The following HIBCH variants were observed in gnomAD, a reference collection of about 807,000 sequenced individuals.
The protein encoded by HIBCH is 3-hydroxyisobutyryl-CoA hydrolase, also known as 3-hydroxyisobutyryl-CoA hydrolase, mitochondrial.
HIBCH carries 50 observed loss-of-function variants against 58.2 expected under a neutral mutation model. The ratio of observed to expected loss-of-function variants is 0.86; its 90% confidence interval spans 0.68 to 1.09. HIBCH has a LOEUF of 1.09. Ranked by LOEUF, HIBCH falls within the 50% of genes least tolerant of loss-of-function variation. The probability of loss-of-function intolerance (pLI) is 0.00; values close to 1 mark genes in which losing one functional copy is unlikely to be tolerated. For synonymous variants in HIBCH, 151 were observed against 146.9 expected (o/e 1.03, Z -0.20); for missense variants, 450 against 449.7 (o/e 1.00, Z -0.01).
At chr2:190,194,700 T>C (rs568609397) in intron 1 of HIBCH, among the ~76,000 whole-genome samples, 1 of 152,340 alleles carries the variant, frequency 6.6e-6, no homozygotes, top group Admixed American at 6.5e-5. Context: ...TCTCAGCCTC[T>C]TCCATAACCC....
rs1443508109 is a variant in HIBCH at position 190,214,702 on chromosome 2, A to G, written c.892-1627T>C. ...TGATTTAACCCCATGTTCCCCCTTA[A>G]AGAGGAAGAGCACAGTAAAGAGCCC... On this transcript the variant is annotated intron_variant, in intron 11 of 13. Transcript: ENST00000359678. The surrounding 1 kb of genome is among the most constrained non-coding windows in gnomAD (Gnocchi z 5.5). 6.6e-6 allele frequency: 1 copy of G among 152,188 alleles called. No individual in the cohort carries two copies. Among genetic ancestry groups the G allele is most frequent in the Non-Finnish European group, 1.5e-5 (1 of 68,076 alleles). 9.4% of individuals were successfully genotyped at this position (152,188 alleles called of 1,614,324 possible).
chr2:190,299,492 A>C (rs1196453564), intron 2 of HIBCH, among the ~76,000 whole-genome samples: 1 of 102,096 alleles, frequency 9.8e-6, no homozygotes, highest in Non-Finnish European at 2.0e-5. Context: ...ATTGACAATG[A>C]TCAAAGTCTG....
chr2:190,291,776 C>T (rs940422699), intron 4 of HIBCH, among the ~76,000 whole-genome samples: 2 of 152,174 alleles, frequency 1.3e-5, no homozygotes, highest in Admixed American at 6.6e-5. Context: ...CTACCATATT[C>T]CTCCTCCAGT....
intron 6 of HIBCH, among the ~76,000 whole-genome samples, chr2:190,285,561 C>T (rs1276105699): frequency 1.3e-5 from 2 of 152,084 alleles, no homozygotes; most frequent in African/African-American, 4.8e-5. Flanking sequence ...TAGGGTGGTT[C>T]TACTAGAACA....
At chr2:190,293,864 A>G (rs1272857999) in intron 4 of HIBCH, among the ~76,000 whole-genome samples, 2 of 151,864 alleles carry the variant, frequency 1.3e-5, no homozygotes, top group African/African-American at 4.8e-5. Flanking sequence ...GATGCTGAGA[A>G]CAGACATTTC....
chr2:190,277,327 G>A (rs1687580294), intron 6 of HIBCH, among the ~76,000 whole-genome samples: 1 of 152,064 alleles, frequency 6.6e-6, no homozygotes, highest in Non-Finnish European at 1.5e-5. Flanking sequence ...GGTAACAAGA[G>A]AAAATAAAAC....
At chr2:190,205,804 T>C (rs1690375307) in intron 13 of HIBCH, among the ~76,000 whole-genome samples, 1 of 152,166 alleles carries the variant, frequency 6.6e-6, no homozygotes, top group African/African-American at 2.4e-5. Flanking sequence ...TATTTCAGTG[T>C]AGTCATCACT....
chr2:190,230,563 C>T (rs994610254), intron 11 of HIBCH, among the ~76,000 whole-genome samples: 3 of 152,264 alleles, frequency 2.0e-5, no homozygotes, highest in East Asian at 1.9e-4. Context: ...GGTGTGGTGG[C>T]GCGTGCCTAT....
intron 6 of HIBCH, among the ~76,000 whole-genome samples, chr2:190,268,783 G>C (rs1687311791): frequency 6.6e-6 from 1 of 152,146 alleles, no homozygotes; most frequent in Admixed American, 6.5e-5. Context: ...CTAACCCATA[G>C]GCAGCATGCC....
intron 6 of HIBCH, among the ~76,000 whole-genome samples, chr2:190,264,261 GCTTT>G (rs998854807): frequency 2.2e-5 from 3 of 136,488 alleles, no homozygotes; most frequent in African/African-American, 8.5e-5. Context: ...AGCCACACGG[GCTTT>G]CTTTCTTTTT....
At chr2:190,233,648 T>C (rs1363963801) in intron 11 of HIBCH, among the ~76,000 whole-genome samples, 1 of 152,220 alleles carries the variant, frequency 6.6e-6, no homozygotes, top group Non-Finnish European at 1.5e-5. Context: ...GGATAATATA[T>C]GCAATATGTA....
chr2:190,297,021 A>G, intron 2 of HIBCH, 68 bp from the exon 3 acceptor site: 1 of 1,418,974 alleles, frequency 7.0e-7, no homozygotes, highest in South Asian at 1.2e-5. Flanking sequence ...ACATCAAAAC[A>G]TACATATCAA....
intron 8 of HIBCH, among the ~76,000 whole-genome samples, chr2:190,250,068 C>T (rs940446569): frequency 9.2e-5 from 14 of 152,132 alleles, no homozygotes; most frequent in Non-Finnish European, 4.4e-5. Context: ...TTATTAGTGG[C>T]TACCACAGAC....
At chr2:190,272,314 T>C (rs1370585911) in intron 6 of HIBCH, among the ~76,000 whole-genome samples, 1 of 152,162 alleles carries the variant, frequency 6.6e-6, no homozygotes, top group Non-Finnish European at 1.5e-5. Flanking sequence ...TTGGGTAAAA[T>C]AGTTGAGAAC....
chr2:190,194,080 G>C lies in HIBCH; in HGVS notation c.*18-4083C>G, dbSNP rs13416848. 6.2e-3 allele frequency among the ~76,000 whole-genome samples: 947 copies of C among 152,060 alleles called. 11 individuals carry two copies. Among genetic ancestry groups the C allele is most frequent in the African/African-American group, 0.022 (901 of 41,462 alleles). ...TATGTTTAGTTTCCAAATATATGAG[G>C]CTTTTCTAGATATTTTACTCTCTGG... On this transcript the variant is annotated intron_variant, in intron 1 of 1. Transcript: ENST00000399855.
At chr2:190,270,856 T>C (rs1687377098) in intron 6 of HIBCH, among the ~76,000 whole-genome samples, 1 of 152,176 alleles carries the variant, frequency 6.6e-6, no homozygotes, top group African/African-American at 2.4e-5. Flanking sequence ...ATATGTATAT[T>C]GATTATATAA....
rs1390153445 is a variant in HIBCH at position 190,207,921 on chromosome 2, A to G, written c.1045+959T>C. ...AAAATAAAAAAAACAAAGGATATCC[A>G]GAGTCTGCACTATAGTAAAATAATT... On this transcript the variant is annotated intron_variant, in intron 13 of 13. Transcript: ENST00000359678. The surrounding 1 kb of genome is among the most constrained non-coding windows in gnomAD (Gnocchi z 4.5). Among the ~76,000 whole-genome samples the G allele has an allele frequency of 6.6e-6, 1 of 152,148 alleles. No homozygotes were observed. The highest frequency in any genetic ancestry group is 1.5e-5 in the Non-Finnish European group (1 of 68,006).
chr2:190,267,626 T>C (rs960278617), intron 6 of HIBCH, among the ~76,000 whole-genome samples: 21 of 152,364 alleles, frequency 1.4e-4, no homozygotes, highest in African/African-American at 4.8e-4. Flanking sequence ...ACTCATTAAG[T>C]AATTCAGCTT....
At chr2:190,202,584 T>C (rs1470572446), downstream of HIBCH, 3 of 167,018 alleles carry the variant, frequency 1.8e-5, no homozygotes, top group Non-Finnish European at 2.9e-5. Context: ...TATTGAAATA[T>C]GGGCTTTACT....
Sources: gnomAD v4.1 joint callset for allele counts (sites outside exome capture counted in the v4.1 genomes callset) on GRCh38, gnomAD v4.1.1 for gene constraint, Gnocchi (gnomAD v3.1) non-coding constraint, MANE v1.5 for transcripts, NCBI Gene and HGNC (gene_info 2026-07-23, HGNC 2026-07-21) for gene names.